KDM4B: variants seen among roughly 807,000 people sequenced by gnomAD.
KDM4B encodes lysine demethylase 4B.
A neutral mutation model predicts 125.2 loss-of-function variants in KDM4B; 32 were observed. The observed-to-expected ratio is 0.26, with a 90% CI of 0.19 to 0.34. KDM4B has a LOEUF of 0.34. Ranked by LOEUF, KDM4B falls within the 10% of genes least tolerant of loss-of-function variation. The probability of loss-of-function intolerance (pLI) is 1.00; values close to 1 mark genes in which losing one functional copy is unlikely to be tolerated. For synonymous variants in KDM4B, 721 were observed against 677.9 expected, an observed-to-expected ratio of 1.06 and a Z score of -0.99; for missense variants, 1,190 against 1,577.7, an observed-to-expected ratio of 0.75 and a Z score of 4.16.
rs566877524 is a variant in KDM4B at position 5,045,681 on chromosome 19, G to T, written c.433-1795G>T. ...GTAGCGATGGGGTTTCACCATGTTG[G>T]CCAGGATGGTCTCAATCTCTTGACT... On this transcript the variant is annotated intron_variant, in intron 5 of 22. Coordinates refer to ENST00000159111, the MANE Select transcript of KDM4B (RefSeq NM_015015.3). Among the ~76,000 whole-genome samples, 4 of 152,266 alleles carry T rather than the reference G, an allele frequency of 2.6e-5. No homozygotes were observed. In the South Asian group the frequency reaches 8.3e-4, roughly 32 times the overall value.
intron 2 of KDM4B, among the ~76,000 whole-genome samples, chr19:5,024,652 A>C (rs2036224098): frequency 6.6e-6 from 1 of 152,108 alleles, no homozygotes; most frequent in Non-Finnish European, 1.5e-5. Flanking sequence ...CTGCCCTAAA[A>C]AAAAAAAAGG....
intron 6 of KDM4B, among the ~76,000 whole-genome samples, chr19:5,064,440 T>C (rs949622485): frequency 3.4e-5 from 5 of 148,760 alleles, no homozygotes; most frequent in Admixed American, 2.0e-4. Flanking sequence ...GGACCTCTGC[T>C]CTTGGCACAC....
chr19:5,052,331 G>A (rs1023377815), intron 6 of KDM4B, among the ~76,000 whole-genome samples: 4 of 139,938 alleles, frequency 2.9e-5, no homozygotes, highest in Non-Finnish European at 6.2e-5. Context: ...TGTGTGCACC[G>A]AGGAACCGTG....
intron 1 of KDM4B, among the ~76,000 whole-genome samples, chr19:4,985,989 C>T (rs948138033): frequency 5.3e-5 from 8 of 152,340 alleles, no homozygotes; most frequent in Middle Eastern, 3.4e-3. Flanking sequence ...GAAGAGAAAT[C>T]GGATCTCTTC....
intron 4 of KDM4B, 66 bp downstream of exon 4, chr19:5,040,077 T>G: frequency 2.0e-6 from 3 of 1,492,174 alleles, no homozygotes; most frequent in Non-Finnish European, 1.8e-6. Flanking sequence ...ATGGGGGCCC[T>G]GGGGGCAGAG....
At chr19:5,042,889 C>G (rs973606802) in intron 5 of KDM4B, among the ~76,000 whole-genome samples, 2 of 150,912 alleles carry the variant, frequency 1.3e-5, no homozygotes, top group African/African-American at 4.9e-5. Context: ...CTGTATTTCG[C>G]GTACACTTTA....
At chr19:5,149,362 G>A (rs1418154130) in intron 21 of KDM4B, among the ~76,000 whole-genome samples, 2 of 152,238 alleles carry the variant, frequency 1.3e-5, no homozygotes, top group African/African-American at 4.8e-5. Flanking sequence ...ACGGGGTCTT[G>A]ATCTGTCACC....
At chr19:4,999,005 C>G (rs1223604020) in intron 1 of KDM4B, among the ~76,000 whole-genome samples, 2 of 152,152 alleles carry the variant, frequency 1.3e-5, no homozygotes, top group Non-Finnish European at 2.9e-5. Flanking sequence ...GTTTCCCCAC[C>G]CTAACATTAC....
At chr19:4,976,392 G>C (rs891960049) in intron 1 of KDM4B, among the ~76,000 whole-genome samples, 1 of 152,072 alleles carries the variant, frequency 6.6e-6, no homozygotes, top group Non-Finnish European at 1.5e-5. Flanking sequence ...TAGGTGGGGG[G>C]AACGCTTCGC....
chr19:5,151,776 T>A lies in KDM4B; in HGVS notation c.*265T>A. On this transcript the variant is annotated 3_prime_UTR_variant, in exon 23 of 23. Coordinates refer to ENST00000159111, the MANE Select transcript of KDM4B (RefSeq NM_015015.3). Reference sequence around the variant, plus strand: ...ATTTTAAACCATGTAAGCTCTCTTCTTCTCGAAAAGGTGCTACTGCAATGC... The same window carrying A: ...ATTTTAAACCATGTAAGCTCTCTTCATCTCGAAAAGGTGCTACTGCAATGC... 1 of 369,200 alleles carries A rather than the reference T, an allele frequency of 2.7e-6. No individual in the cohort carries two copies. Among genetic ancestry groups the A allele is most frequent in the East Asian group, 3.9e-5 (1 of 25,590 alleles). The allele number at this position is 369,200 out of a possible 1,614,324, so 22.9% of individuals were successfully genotyped here.
At chr19:5,130,843 T>A (rs2039529105) in intron 11 of KDM4B, among the ~76,000 whole-genome samples, 1 of 152,250 alleles carries the variant, frequency 6.6e-6, no homozygotes, top group Non-Finnish European at 1.5e-5. Context: ...CAAGTGCCGC[T>A]GCTGCGCCTG....
intron 1 of KDM4B, among the ~76,000 whole-genome samples, chr19:4,977,904 C>G (rs1306246200): frequency 1.3e-5 from 2 of 152,326 alleles, no homozygotes; most frequent in East Asian, 3.9e-4. Flanking sequence ...GAGCAGGACC[C>G]AAGCCAGGCT....
chr19:5,070,258 T>G (rs1022842082), intron 6 of KDM4B, among the ~76,000 whole-genome samples: 1 of 152,180 alleles, frequency 6.6e-6, no homozygotes, highest in African/African-American at 2.4e-5. Context: ...CCGTTGGCAC[T>G]GGGGCTTCTC....
chr19:5,092,072 G>A (rs2038719804), intron 9 of KDM4B, among the ~76,000 whole-genome samples: 1 of 152,206 alleles, frequency 6.6e-6, no homozygotes, highest in African/African-American at 2.4e-5. Context: ...ACCAGGCGGA[G>A]CGGATCCCGG....
intron 11 of KDM4B, among the ~76,000 whole-genome samples, chr19:5,130,848 C>G (rs1313037932): frequency 6.6e-6 from 1 of 152,266 alleles, no homozygotes; most frequent in Non-Finnish European, 1.5e-5. Flanking sequence ...GCCGCTGCTG[C>G]GCCTGCGTTG....
chr19:5,117,559 T>C (rs1479395251), intron 10 of KDM4B, among the ~76,000 whole-genome samples: 2 of 152,124 alleles, frequency 1.3e-5, no homozygotes, highest in Non-Finnish European at 2.9e-5. Flanking sequence ...GGTCTGAAGC[T>C]TCCTCCTCCT....
Position 5,009,578 on chromosome 19 carries a change from T to A in KDM4B, c.-108-6679T>A, listed in dbSNP as rs573915418. 4.6e-5 allele frequency among the ~76,000 whole-genome samples: 7 copies of A among 152,322 alleles called. No homozygotes were observed. In the South Asian group the frequency reaches 1.2e-3, roughly 27 times the overall value. On this transcript the variant is annotated intron_variant, in intron 1 of 22. Transcript: ENST00000159111. ...TTGGTTTGGTCTTTTTAACTTTTTA[T>A]TTTGAAATAATTTTAGACTCACTGA...
At chr19:5,005,902 G>A (rs570142423) in intron 1 of KDM4B, among the ~76,000 whole-genome samples, 76 of 152,272 alleles carry the variant, frequency 5.0e-4, no homozygotes, top group Non-Finnish European at 9.9e-4. Flanking sequence ...TGCAGTCACC[G>A]CGTCCTCCTC....
chr19:5,077,628 A>G (rs1030959780), intron 8 of KDM4B, 158 bp downstream of exon 8: 6 of 609,400 alleles, frequency 9.8e-6, no homozygotes, highest in African/African-American at 1.9e-5. Context: ...CTCAGCAGTT[A>G]GCCTCCAGCT....
Sources: allele counts gnomAD v4.1 joint callset (sites outside exome capture counted in the v4.1 genomes callset), GRCh38; gene constraint gnomAD v4.1.1; transcripts MANE v1.5; gene names NCBI Gene and HGNC (gene_info 2026-07-23, HGNC 2026-07-21).